Variants in PLA2G5 observed in about 807,000 individuals in gnomAD.
PLA2G5 encodes Ca2+-dependent phospholipase A2.
A neutral mutation model predicts 15.9 loss-of-function variants in PLA2G5; 12 were observed. That is an observed-to-expected ratio of 0.76 (90% confidence interval 0.48 to 1.23). The LOEUF (loss-of-function observed/expected upper bound fraction) is 1.23, where lower values mean the gene tolerates loss of function less well. Among genes scored for constraint, PLA2G5 ranks in the 50% most tolerant of loss-of-function variants. PLA2G5 has a pLI of 0.00. For missense variants in PLA2G5, 169 were observed against 177.1 expected (o/e 0.95, Z 0.26); for synonymous variants, 71 against 71.4 (o/e 0.99, Z 0.03).
intron 4 of PLA2G5, 40 bp from the exon 5 acceptor site, chr1:20,090,528 C>A (rs768075290): frequency 6.2e-7 from 1 of 1,612,338 alleles, no homozygotes; most frequent in Non-Finnish European, 8.5e-7. Flanking sequence ...CTGGAGCATG[C>A]TCTTCCCACC....
chr1:20,069,210 T>C (rs139332384), upstream of PLA2G5, among the ~76,000 whole-genome samples: 31 of 152,328 alleles, frequency 2.0e-4, no homozygotes, highest in African/African-American at 7.2e-4. Flanking sequence ...ATTTTAGGAA[T>C]GACTGGTAAC....
intron 1 of PLA2G5, among the ~76,000 whole-genome samples, chr1:20,031,588 C>T (rs1048881954): frequency 4.0e-5 from 6 of 150,508 alleles, no homozygotes; most frequent in Middle Eastern, 3.4e-3. Context: ...GGACCAGGGC[C>T]TCCTGGATTG....
At chr1:20,042,955 G>T (rs1371435855) in intron 1 of PLA2G5, among the ~76,000 whole-genome samples, 1 of 152,150 alleles carries the variant, frequency 6.6e-6, no homozygotes, top group Non-Finnish European at 1.5e-5. Flanking sequence ...GTAGAAGGTT[G>T]TCAAAATATT....
intron 1 of PLA2G5, among the ~76,000 whole-genome samples, chr1:20,036,016 C>T (rs1472001022): frequency 6.6e-6 from 1 of 152,074 alleles, no homozygotes; most frequent in Admixed American, 6.6e-5. Flanking sequence ...TTGCTAGATA[C>T]GAGATTCTTG....
chr1:20,040,595 C>T lies in PLA2G5; in HGVS notation n.276+11886C>T, dbSNP rs1013770270. ...TGACAAATACACACACACACACACA[C>T]ACACACACACAAACACTCACACTCA... is the stretch of plus-strand genomic sequence containing the variant. On this transcript the variant is annotated intron_variant and non_coding_transcript_variant, in intron 1 of 6. Coordinates refer to the PLA2G5 transcript ENST00000460175. Among the ~76,000 whole-genome samples the T allele has an allele frequency of 1.1e-4, 16 of 152,146 alleles. No individual in the cohort carries two copies. The South Asian group carries it at 1.2e-3, about 12-fold the overall frequency.
At chr1:20,060,522 G>A (rs1188516703) in intron 2 of PLA2G5, among the ~76,000 whole-genome samples, 2 of 151,836 alleles carry the variant, frequency 1.3e-5, no homozygotes, top group Admixed American at 1.3e-4. Context: ...CAAAGTGCTG[G>A]TATTACAGAC....
At chr1:20,038,311 A>G (rs1193689024) in intron 1 of PLA2G5, among the ~76,000 whole-genome samples, 5 of 152,154 alleles carry the variant, frequency 3.3e-5, no homozygotes, top group Admixed American at 6.5e-5. Flanking sequence ...GTTCACAGCT[A>G]GTCAAAATTA....
intron 1 of PLA2G5, among the ~76,000 whole-genome samples, chr1:20,036,392 AT>A (rs908279364): frequency 3.3e-5 from 5 of 152,112 alleles, no homozygotes; most frequent in African/African-American, 4.8e-5. Context: ...AGGTTTGGTC[AT>A]TTAACATAAT....
intron 1 of PLA2G5, among the ~76,000 whole-genome samples, chr1:20,077,177 C>T (rs539150862): frequency 6.6e-6 from 1 of 152,326 alleles, no homozygotes; most frequent in East Asian, 1.9e-4. Context: ...ACAATTTTGC[C>T]CTCAAGAGGC....
intron 1 of PLA2G5, among the ~76,000 whole-genome samples, chr1:20,033,474 G>A (rs2013080261): frequency 6.6e-6 from 1 of 152,136 alleles, no homozygotes; most frequent in Admixed American, 6.5e-5. Flanking sequence ...GGGATAGAAG[G>A]GATTGATGGC....
chr1:20,069,633 C>G (rs11573189), upstream of PLA2G5, among the ~76,000 whole-genome samples: 1 of 151,168 alleles, frequency 6.6e-6, no homozygotes, highest in Non-Finnish European at 1.5e-5. Flanking sequence ...TGCACTCCAG[C>G]CTGGGTGACA....
At chr1:20,083,237 G>A (rs2016120960) in intron 1 of PLA2G5, among the ~76,000 whole-genome samples, 1 of 151,932 alleles carries the variant, frequency 6.6e-6, no homozygotes. Context: ...TGCTGGACAA[G>A]GGTTGTCCCA....
chr1:20,040,040 C>A (rs1311159473), intron 1 of PLA2G5, among the ~76,000 whole-genome samples: 2 of 152,064 alleles, frequency 1.3e-5, no homozygotes, highest in African/African-American at 4.8e-5. Context: ...AAATATTCTG[C>A]CCTTAAAGAT....
At chr1:20,080,384 C>A (rs1188870772) in intron 1 of PLA2G5, among the ~76,000 whole-genome samples, 1 of 152,056 alleles carries the variant, frequency 6.6e-6, no homozygotes, top group Non-Finnish European at 1.5e-5. Context: ...GAGTTCGAGA[C>A]CAGCCTGACC....
upstream of PLA2G5, among the ~76,000 whole-genome samples, chr1:20,067,183 T>C (rs1397069651): frequency 6.6e-6 from 1 of 152,106 alleles, no homozygotes; most frequent in Non-Finnish European, 1.5e-5. Context: ...TGGGTAGAGA[T>C]GGAGTCTCCC....
chr1:20,033,850 T>C (rs1300726828), intron 1 of PLA2G5, among the ~76,000 whole-genome samples: 2 of 152,006 alleles, frequency 1.3e-5, no homozygotes, highest in East Asian at 3.9e-4. Flanking sequence ...CCTTATGAGA[T>C]ACTTCCGGCT....
chr1:20,068,703 G>C (rs528415968), upstream of PLA2G5, among the ~76,000 whole-genome samples: 3 of 151,948 alleles, frequency 2.0e-5, no homozygotes, highest in African/African-American at 2.4e-5. Flanking sequence ...CGCCCACCTC[G>C]GCCTCCCAAA....
chr1:20,084,159 C>T (rs768920783), intron 1 of PLA2G5, among the ~76,000 whole-genome samples: 1 of 149,256 alleles, frequency 6.7e-6, no homozygotes, highest in Non-Finnish European at 1.5e-5. Flanking sequence ...ATAATCAGGC[C>T]CTGAAAGCCA....
chr1:20,036,507 ATTTCTTCTATTGC>A (rs1027419723), intron 1 of PLA2G5, among the ~76,000 whole-genome samples: 63 of 151,826 alleles, frequency 4.1e-4, no homozygotes, highest in African/African-American at 1.4e-3. Context: ...CTCTGAAAAT[ATTTCTTCTATTGC>A]TTTCTTCTAT....
Sources: gnomAD v4.1 joint callset for allele counts (sites outside exome capture counted in the v4.1 genomes callset) on GRCh38, gnomAD v4.1.1 for gene constraint, MANE v1.5 for transcripts, NCBI Gene and HGNC (gene_info 2026-07-23, HGNC 2026-07-21) for gene names.